POC1A: variants seen among roughly 807,000 people sequenced by gnomAD.
POC1A encodes the protein POC1 centriolar protein homolog A.
POC1A carries 34 observed loss-of-function variants against 47.8 expected under a neutral mutation model. The observed-to-expected ratio is 0.71, with a 90% CI of 0.54 to 0.95. POC1A has a LOEUF of 0.95. Ranked by LOEUF, POC1A falls within the 40% of genes least tolerant of loss-of-function variation. The pLI is 0.00. For synonymous variants in POC1A, 177 were observed against 207.6 expected, an observed-to-expected ratio of 0.85 and a Z score of 1.27; for missense variants, 466 against 528.3, an observed-to-expected ratio of 0.88 and a Z score of 1.16.
At chr3:52,082,457 G>A (rs185163889) in intron 10 of POC1A, among the ~76,000 whole-genome samples, 3 of 152,298 alleles carry the variant, frequency 2.0e-5, no homozygotes, top group Non-Finnish European at 4.4e-5. Context: ...GGATCTAGGA[G>A]CTCGGACCAG....
rs369551005 is a variant in POC1A at position 52,149,830 on chromosome 3, G to C, written c.261C>G (p.Ile87Met). The C allele has an allele frequency of 2.5e-6, 4 of 1,613,538 alleles. No individual in the cohort carries two copies. The highest frequency in any genetic ancestry group is 8.5e-7 in the Non-Finnish European group (1 of 1,179,884). The change falls in exon 3 of 11, where the codon ATC becomes ATG. Residue 87 changes from isoleucine (I) to methionine (M), a missense_variant. Ile to Met is a conservative substitution (Grantham distance 10, BLOSUM62 1). Coordinates refer to ENST00000296484, the MANE Select transcript of POC1A (RefSeq NM_015426.5). ...GTACGACTCACACATTGGGTACCCAGATGCGGACAGTCTTGTCTCGGGAGC... is the reference window on the plus strand; with the variant it reads ...GTACGACTCACACATTGGGTACCCACATGCGGACAGTCTTGTCTCGGGAGC... ...ASGSRDKTVR[I>M]WVPNVKGEST...
intron 9 of POC1A, among the ~76,000 whole-genome samples, chr3:52,098,843 C>T (rs1014267917): frequency 9.9e-5 from 15 of 152,210 alleles, no homozygotes; most frequent in African/African-American, 3.6e-4. Context: ...TACGTGTAAC[C>T]TCACTTCATC....
intron 9 of POC1A, among the ~76,000 whole-genome samples, chr3:52,115,406 GC>G (rs1433392757): frequency 6.6e-6 from 1 of 152,150 alleles, no homozygotes; most frequent in African/African-American, 2.4e-5. Context: ...CACCGCTCTT[GC>G]TAAGAATCCG....
chr3:52,120,825 T>C (rs2107083626), intron 9 of POC1A, among the ~76,000 whole-genome samples: 1 of 152,328 alleles, frequency 6.6e-6, no homozygotes, highest in East Asian at 1.9e-4. Context: ...GAAGCAAAGG[T>C]GCTCCATACT....
At chr3:52,087,788 G>C (rs989332456) in intron 10 of POC1A, among the ~76,000 whole-genome samples, 1 of 152,208 alleles carries the variant, frequency 6.6e-6, no homozygotes, top group African/African-American at 2.4e-5. Flanking sequence ...ATGGGGTGTT[G>C]CTCACACCCA....
intron 9 of POC1A, among the ~76,000 whole-genome samples, chr3:52,111,660 A>T (rs1333542138): frequency 3.4e-5 from 5 of 146,908 alleles, no homozygotes; most frequent in Middle Eastern, 3.4e-3. Context: ...ATTAAAAAAA[A>T]AAAAAAAAAA....
chr3:52,097,267 A>G (rs1295652452), intron 9 of POC1A, among the ~76,000 whole-genome samples: 1 of 152,068 alleles, frequency 6.6e-6, no homozygotes, highest in Non-Finnish European at 1.5e-5. Context: ...GGGTGTTCCA[A>G]CCCCACCCTG....
chr3:52,136,210 A>C (rs1577902782), intron 7 of POC1A, among the ~76,000 whole-genome samples: 1 of 152,086 alleles, frequency 6.6e-6, no homozygotes, highest in Admixed American at 6.5e-5. Flanking sequence ...ATCAATCCTA[A>C]GTTCCTGTAT....
At chr3:52,121,138 A>G (rs1365108728) in intron 9 of POC1A, among the ~76,000 whole-genome samples, 3 of 152,206 alleles carry the variant, frequency 2.0e-5, no homozygotes, top group African/African-American at 7.2e-5. Flanking sequence ...CATTCTGATG[A>G]GATAAGGAAT....
chr3:52,146,746 T>C (rs1416567092), intron 5 of POC1A, among the ~76,000 whole-genome samples: 2 of 152,176 alleles, frequency 1.3e-5, no homozygotes, highest in East Asian at 1.9e-4. Flanking sequence ...CTCCAAAGAA[T>C]TGCATGGCTT....
At chr3:52,095,284 C>T (rs1209857265) in intron 10 of POC1A, among the ~76,000 whole-genome samples, 3 of 152,226 alleles carry the variant, frequency 2.0e-5, no homozygotes, top group African/African-American at 7.2e-5. Context: ...TGGAGTCCCA[C>T]AGCCCCCAGT....
chr3:52,136,325 C>T (rs1704462466), intron 7 of POC1A, among the ~76,000 whole-genome samples: 1 of 152,222 alleles, frequency 6.6e-6, no homozygotes, highest in South Asian at 2.1e-4. Flanking sequence ...AGGGCCTACC[C>T]ACCTTCACCT....
intron 6 of POC1A, among the ~76,000 whole-genome samples, chr3:52,140,448 A>T (rs1698153516): frequency 6.6e-6 from 1 of 152,118 alleles, no homozygotes; most frequent in African/African-American, 2.4e-5. Context: ...CGGTGGCAGG[A>T]GGGTGCAGAA....
intron 10 of POC1A, among the ~76,000 whole-genome samples, chr3:52,088,936 A>G (rs544608536): frequency 6.7e-5 from 9 of 135,264 alleles, no homozygotes; most frequent in Non-Finnish European, 1.1e-4. Flanking sequence ...ATGACCGACC[A>G]TGAACATTCC....
rs1298912475 is a variant in POC1A, at chr3:52,090,401, G to A, written c.1125+6168C>T. Among the ~76,000 whole-genome samples, 2 of 152,226 alleles carry A rather than the reference G, an allele frequency of 1.3e-5. No individual in the cohort carries two copies. Among genetic ancestry groups the A allele is most frequent in the Admixed American group, 6.5e-5 (1 of 15,288 alleles). On this transcript the variant is annotated intron_variant, in intron 10 of 10. Transcript: ENST00000296484. This position sits in a 1 kb window ranked among gnomAD's most constrained non-coding sequence, Gnocchi z 4.2. ...AAGCCGCGTGTTGGGCCTATGCCGGGCCCCCTCACAGCAGCCTCCCCAGCT... is the reference window on the plus strand; with the variant it reads ...AAGCCGCGTGTTGGGCCTATGCCGGACCCCCTCACAGCAGCCTCCCCAGCT...
intron 7 of POC1A, among the ~76,000 whole-genome samples, chr3:52,136,264 C>G (rs1025075933): frequency 6.6e-6 from 1 of 152,044 alleles, no homozygotes; most frequent in African/African-American, 2.4e-5. Flanking sequence ...ATAATTTGAG[C>G]CTCACACGCT....
At chr3:52,088,346 C>T (rs1013159557) in intron 10 of POC1A, among the ~76,000 whole-genome samples, 16 of 152,224 alleles carry the variant, frequency 1.1e-4, no homozygotes, top group Admixed American at 5.9e-4. Flanking sequence ...GGGCCCAGAT[C>T]AGAAGGGCAA....
chr3:52,135,649 G>C (rs1704428255), intron 7 of POC1A, among the ~76,000 whole-genome samples: 1 of 152,162 alleles, frequency 6.6e-6, no homozygotes, highest in African/African-American at 2.4e-5. Context: ...AGGGGTGCCA[G>C]GCTGTGGTAT....
At chr3:52,131,035 G>A (rs986420724) in intron 7 of POC1A, among the ~76,000 whole-genome samples, 21 of 152,044 alleles carry the variant, frequency 1.4e-4, no homozygotes, top group African/African-American at 4.6e-4. Context: ...GGAGGGTGGC[G>A]GGGGCGCATG....
Sources: gnomAD v4.1 joint callset for allele counts (sites outside exome capture counted in the v4.1 genomes callset) on GRCh38, gnomAD v4.1.1 for gene constraint, Gnocchi (gnomAD v3.1) non-coding constraint, MANE v1.5 for transcripts, NCBI Gene and HGNC (gene_info 2026-07-23, HGNC 2026-07-21) for gene names.